SLC35F4: variants seen among roughly 807,000 people sequenced by gnomAD.
The protein encoded by SLC35F4 is solute carrier family 35 member F4, also known as chromosome 14 open reading frame 36.
Under a neutral mutation model 44.2 loss-of-function variants are expected in SLC35F4, and 24 were observed. The ratio of observed to expected loss-of-function variants is 0.54; its 90% CI spans 0.39 to 0.76. The LOEUF (loss-of-function observed/expected upper bound fraction) is 0.76. Among genes scored for constraint, SLC35F4 ranks in the 30% least tolerant of loss-of-function variants. The probability of loss-of-function intolerance (pLI) is 0.00; values close to 1 mark genes in which losing one functional copy is unlikely to be tolerated. For missense variants in SLC35F4, 562 were observed against 586.1 expected (o/e 0.96, Z 0.42); for synonymous variants, 238 against 223.6 (o/e 1.06, Z -0.57).
intron 1 of SLC35F4, among the ~76,000 whole-genome samples, chr14:57,682,719 G>A (rs2074946477): frequency 6.6e-6 from 1 of 152,036 alleles, no homozygotes; most frequent in African/African-American, 2.4e-5. Flanking sequence ...GTGTTGGTGT[G>A]GATATGAAGC....
chr14:57,725,791 T>C (rs1248147186), intron 1 of SLC35F4, among the ~76,000 whole-genome samples: 2 of 152,162 alleles, frequency 1.3e-5, no homozygotes, highest in Non-Finnish European at 2.9e-5. Context: ...CAGCGTCCAA[T>C]ATATGGTACT....
chr14:57,842,677 T>C (rs1454741545), intron 1 of SLC35F4, among the ~76,000 whole-genome samples: 1 of 152,108 alleles, frequency 6.6e-6, no homozygotes, highest in Non-Finnish European at 1.5e-5. Context: ...CACAGCCGGC[T>C]ACTACCAGCT....
chr14:57,649,679 A>G (rs1019681979), intron 1 of SLC35F4, among the ~76,000 whole-genome samples: 1 of 152,172 alleles, frequency 6.6e-6, no homozygotes, highest in Non-Finnish European at 1.5e-5. Flanking sequence ...GAAATGGGCC[A>G]TATCTATTTT....
intron 1 of SLC35F4, among the ~76,000 whole-genome samples, chr14:57,746,093 G>A (rs1018696473): frequency 9.2e-5 from 14 of 152,010 alleles, no homozygotes; most frequent in Non-Finnish European, 1.8e-4. Flanking sequence ...TGGAGTGGGG[G>A]GCAGGGGGAA....
At chr14:57,880,656 A>C (rs1259950611) in intron 1 of SLC35F4, among the ~76,000 whole-genome samples, 2 of 152,134 alleles carry the variant, frequency 1.3e-5, no homozygotes, top group Non-Finnish European at 2.9e-5. Flanking sequence ...CATTAAATAA[A>C]ACATCATTTA....
At chr14:57,750,692 A>G (rs11851664) in intron 1 of SLC35F4, among the ~76,000 whole-genome samples, 8,285 of 152,012 alleles carry the variant, frequency 0.055, 515 homozygotes, top group African/African-American at 0.14. Context: ...AGAAATGTCT[A>G]TTCGTGTCCT....
At chr14:57,642,530 GT>G (rs2073298620) in intron 1 of SLC35F4, among the ~76,000 whole-genome samples, 1 of 151,438 alleles carries the variant, frequency 6.6e-6, no homozygotes, top group South Asian at 2.1e-4. Context: ...CCCCTTCTGA[GT>G]TTATATTCAC....
chr14:57,937,590 G>GAAAAGAA (rs1566505561), intron 1 of SLC35F4, among the ~76,000 whole-genome samples: 2 of 14,344 alleles, frequency 1.4e-4, no homozygotes, highest in African/African-American at 9.5e-4. Flanking sequence ...AGAAAAGAAA[G>GAAAAGAA]AAAAGAAAAG....
At chr14:57,615,759 T>C (rs1468658686) in intron 1 of SLC35F4, among the ~76,000 whole-genome samples, 1 of 151,438 alleles carries the variant, frequency 6.6e-6, no homozygotes, top group Non-Finnish European at 1.5e-5. Flanking sequence ...TTAAAATCCA[T>C]GGCACCCAAT....
chr14:57,793,196 T>G (rs1031648129), intron 1 of SLC35F4, among the ~76,000 whole-genome samples: 1 of 152,020 alleles, frequency 6.6e-6, no homozygotes, highest in Non-Finnish European at 1.5e-5. Context: ...GGGGTGAATC[T>G]GAGAAAAATA....
intron 1 of SLC35F4, among the ~76,000 whole-genome samples, chr14:57,817,650 GAA>G (rs1384122315): frequency 6.6e-6 from 1 of 152,098 alleles, no homozygotes; most frequent in East Asian, 1.9e-4. Flanking sequence ...TTTACAAGCA[GAA>G]AATGCAGTGG....
chr14:57,579,523 G>A (rs1053249588), intron 4 of SLC35F4: 2 of 152,076 alleles, frequency 1.3e-5, no homozygotes, highest in Non-Finnish European at 2.9e-5. Flanking sequence ...ATCTAATGGT[G>A]AAAATATGGA....
chr14:57,971,741 G>A, intron 1 of SLC35F4, among the ~76,000 whole-genome samples: 1 of 152,222 alleles, frequency 6.6e-6, no homozygotes, highest in East Asian at 1.9e-4. Flanking sequence ...GCTAAGGGGT[G>A]AGGGACATGG....
chr14:57,855,740 G>T (rs1004332228), intron 1 of SLC35F4, among the ~76,000 whole-genome samples: 4 of 152,136 alleles, frequency 2.6e-5, no homozygotes, highest in Middle Eastern at 3.2e-3. Flanking sequence ...TTACACACAC[G>T]TGTATTTATT....
chr14:57,678,241 C>T (rs2346991), intron 1 of SLC35F4, among the ~76,000 whole-genome samples: 95,276 of 151,804 alleles, frequency 0.63, 30,253 homozygotes, highest in South Asian at 0.71. Context: ...AAGAAAAGAA[C>T]TGTCAACCCA....
intron 1 of SLC35F4, among the ~76,000 whole-genome samples, chr14:57,886,720 A>G (rs910455457): frequency 6.6e-6 from 1 of 152,108 alleles, no homozygotes; most frequent in Non-Finnish European, 1.5e-5. Context: ...TGCAAAGGCC[A>G]TGTCTTTTTA....
At chr14:57,847,563 T>G (rs1253275289) in intron 1 of SLC35F4, among the ~76,000 whole-genome samples, 1 of 152,216 alleles carries the variant, frequency 6.6e-6, no homozygotes, top group Non-Finnish European at 1.5e-5. Flanking sequence ...CAGGATACCA[T>G]GATATCCTAT....
chr14:57,778,647 A>C (rs1294944018), intron 1 of SLC35F4, among the ~76,000 whole-genome samples: 1 of 152,098 alleles, frequency 6.6e-6, no homozygotes, highest in Non-Finnish European at 1.5e-5. Flanking sequence ...ACAGAACGAT[A>C]CACCCCAAAC....
At chr14:57,763,754 A>G (rs1489763841) in intron 1 of SLC35F4, among the ~76,000 whole-genome samples, 2 of 152,130 alleles carry the variant, frequency 1.3e-5, no homozygotes, top group Admixed American at 1.3e-4. Flanking sequence ...ATTCCATATT[A>G]TGGTAGCTTG....
Sources: gnomAD v4.1 joint callset for allele counts (sites outside exome capture counted in the v4.1 genomes callset) on GRCh38, gnomAD v4.1.1 for gene constraint, MANE v1.5 for transcripts, NCBI Gene and HGNC (gene_info 2026-07-23, HGNC 2026-07-21) for gene names.